The following ALK variants were observed in gnomAD, a reference collection of about 807,000 sequenced individuals.
ALK encodes ALK tyrosine kinase receptor.
ALK carries 74 observed loss-of-function variants against 163.1 expected under a neutral mutation model. The observed-to-expected ratio is 0.45, with a 90% CI of 0.38 to 0.55. The LOEUF is 0.55. Ranked by LOEUF, ALK falls within the 20% of genes least tolerant of loss-of-function variation. ALK has a pLI of 0.00. For synonymous variants in ALK, 960 were observed against 843.2 expected, an observed-to-expected ratio of 1.14 and a Z score of -2.40; for missense variants, 2,063 against 2,105.3, an observed-to-expected ratio of 0.98 and a Z score of 0.39.
chr2:29,751,780 T>C (rs534941378), intron 1 of ALK, among the ~76,000 whole-genome samples: 81 of 152,228 alleles, frequency 5.3e-4, no homozygotes, highest in Non-Finnish European at 1.1e-3. Context: ...CACGTCTTCA[T>C]GTTCTAGATT....
chr2:29,900,245 A>G (rs1667378061), intron 1 of ALK, among the ~76,000 whole-genome samples: 1 of 152,254 alleles, frequency 6.6e-6, no homozygotes, highest in Admixed American at 6.5e-5. Context: ...AAAAGAGAGT[A>G]GAGAATCTGC....
chr2:29,271,618 C>G (rs1043824422), intron 11 of ALK, among the ~76,000 whole-genome samples: 1 of 152,196 alleles, frequency 6.6e-6, no homozygotes, highest in African/African-American at 2.4e-5. Context: ...TCACATTAAC[C>G]CCCCTCATCT....
chr2:29,543,739 G>A (rs62131117), intron 3 of ALK, among the ~76,000 whole-genome samples: 21,135 of 152,004 alleles, frequency 0.14, 1,775 homozygotes, highest in East Asian at 0.34. Flanking sequence ...GCACATTCTG[G>A]GCTCTGGCCA....
chr2:29,850,574 T>A (rs979669504), intron 1 of ALK, among the ~76,000 whole-genome samples: 1 of 152,038 alleles, frequency 6.6e-6, no homozygotes, highest in African/African-American at 2.4e-5. Flanking sequence ...AAGGCCTCAA[T>A]CCCTTGCATG....
At chr2:29,906,949 T>TG (rs1272707267) in intron 1 of ALK, among the ~76,000 whole-genome samples, 8 of 137,384 alleles carry the variant, frequency 5.8e-5, no homozygotes, top group African/African-American at 2.2e-4. Context: ...TTTTTTTTTT[T>TG]TTTTTTTTTT....
At chr2:29,525,642 T>C (rs1260484094) in intron 4 of ALK, among the ~76,000 whole-genome samples, 2 of 151,560 alleles carry the variant, frequency 1.3e-5, no homozygotes, top group African/African-American at 4.8e-5. Context: ...ATACAAAAAT[T>C]AGCCAGGTGT....
chr2:29,533,660 C>T (rs1324492104), intron 3 of ALK, among the ~76,000 whole-genome samples: 1 of 152,210 alleles, frequency 6.6e-6, no homozygotes, highest in Non-Finnish European at 1.5e-5. Flanking sequence ...TTACTCCTTT[C>T]TGCCCTCAGA....
At chr2:29,775,563 C>T (rs891422095) in intron 1 of ALK, among the ~76,000 whole-genome samples, 3 of 151,300 alleles carry the variant, frequency 2.0e-5, no homozygotes, top group African/African-American at 7.3e-5. Flanking sequence ...AAAACAAAAG[C>T]AGAAATCAAA....
At chr2:29,256,024 G>C (rs763542641) in intron 11 of ALK, among the ~76,000 whole-genome samples, 3 of 152,190 alleles carry the variant, frequency 2.0e-5, no homozygotes, top group Non-Finnish European at 4.4e-5. Flanking sequence ...GCTAAGACAG[G>C]TTGAGTCAGA....
intron 1 of ALK, among the ~76,000 whole-genome samples, chr2:29,913,279 A>G (rs1667753760): frequency 6.6e-6 from 1 of 152,248 alleles, no homozygotes. Flanking sequence ...AGCTCAGAAC[A>G]GCCAGCTGAA....
intron 3 of ALK, among the ~76,000 whole-genome samples, chr2:29,554,782 G>A (rs546269518): frequency 6.6e-6 from 1 of 152,174 alleles, no homozygotes; most frequent in East Asian, 1.9e-4. Context: ...TGAGATAGGA[G>A]GTCAGTACAA....
chr2:29,590,991 A>C (rs1255835954), intron 3 of ALK, among the ~76,000 whole-genome samples: 1 of 145,886 alleles, frequency 6.9e-6, no homozygotes, highest in Non-Finnish European at 1.5e-5. Context: ...GAATGGCATG[A>C]ACCTGGGAGG....
chr2:29,787,079 G>A (rs1664052739), intron 1 of ALK, among the ~76,000 whole-genome samples: 1 of 152,096 alleles, frequency 6.6e-6, no homozygotes, highest in South Asian at 2.1e-4. Context: ...ACAGGCATGA[G>A]CCACCATGCC....
chr2:29,284,607 G>A (rs1017667222), intron 9 of ALK, among the ~76,000 whole-genome samples: 8 of 152,158 alleles, frequency 5.3e-5, no homozygotes, highest in South Asian at 2.1e-4. Flanking sequence ...CTCATGGGCC[G>A]GATCTGTCTC....
chr2:29,630,398 ATT>A (rs1676332063), intron 3 of ALK, among the ~76,000 whole-genome samples: 2 of 152,134 alleles, frequency 1.3e-5, no homozygotes, highest in Admixed American at 1.3e-4. Context: ...TACAGGTGAT[ATT>A]AAGCCTAATT....
At chr2:29,397,331 T>C (rs1669335504) in intron 4 of ALK, among the ~76,000 whole-genome samples, 1 of 152,114 alleles carries the variant, frequency 6.6e-6, no homozygotes, top group East Asian at 1.9e-4. Context: ...TACCAAGGAA[T>C]GCCAAAGATT....
chr2:29,663,356 G>A (rs898991893), intron 3 of ALK, among the ~76,000 whole-genome samples: 4 of 152,130 alleles, frequency 2.6e-5, no homozygotes, highest in African/African-American at 9.7e-5. Flanking sequence ...CAAAGTAAAC[G>A]TAATCAGTCA....
intron 3 of ALK, among the ~76,000 whole-genome samples, chr2:29,634,568 T>G (rs1676470249): frequency 6.6e-6 from 1 of 152,078 alleles, no homozygotes. Context: ...AATAGATAAA[T>G]TCAACACTCA....
intron 3 of ALK, among the ~76,000 whole-genome samples, chr2:29,548,575 C>T (rs528634095): frequency 1.3e-5 from 2 of 151,584 alleles, no homozygotes; most frequent in Non-Finnish European, 2.9e-5. Context: ...CACAGCAAAA[C>T]ACCCAAGATC....
Sources: gnomAD v4.1 joint callset for allele counts (sites outside exome capture counted in the v4.1 genomes callset) on GRCh38, gnomAD v4.1.1 for gene constraint, MANE v1.5 for transcripts, NCBI Gene and HGNC (gene_info 2026-07-23, HGNC 2026-07-21) for gene names.